MAD1L1: variants seen among roughly 807,000 people sequenced by gnomAD.
MAD1L1 encodes mitotic arrest deficient 1 like 1.
MAD1L1 carries 95 observed loss-of-function variants against 96.9 expected under a neutral mutation model. That is an observed-to-expected ratio of 0.98 (90% confidence interval 0.83 to 1.16). The LOEUF (loss-of-function observed/expected upper bound fraction) is 1.16, where lower values mean the gene tolerates loss of function less well. MAD1L1 is among the 50% of genes most tolerant of loss of function. MAD1L1 has a pLI of 0.00. For synonymous variants in MAD1L1, 473 were observed against 396.6 expected (o/e 1.19, Z -2.29); for missense variants, 1,007 against 954.4 (o/e 1.06, Z -0.73).
intron 10 of MAD1L1, among the ~76,000 whole-genome samples, chr7:2,163,573 C>T (rs1405105633): frequency 1.3e-5 from 2 of 152,150 alleles, no homozygotes; most frequent in South Asian, 4.1e-4. Context: ...CAGGGTTTCA[C>T]TATGTTGGCC....
At chr7:1,987,732 C>T (rs1433896211) in intron 14 of MAD1L1, among the ~76,000 whole-genome samples, 2 of 152,204 alleles carry the variant, frequency 1.3e-5, no homozygotes, top group Admixed American at 6.5e-5. Flanking sequence ...GCTCGGCAGC[C>T]GAGAGTGGAG....
chr7:2,196,036 T>C (rs1041044438), intron 10 of MAD1L1, among the ~76,000 whole-genome samples: 1 of 152,230 alleles, frequency 6.6e-6, no homozygotes, highest in African/African-American at 2.4e-5. Context: ...TGGCACCATG[T>C]GGCCAGCCAG....
At chr7:2,078,288 G>A (rs570705220) in intron 11 of MAD1L1, among the ~76,000 whole-genome samples, 3 of 152,288 alleles carry the variant, frequency 2.0e-5, no homozygotes, top group African/African-American at 7.2e-5. Flanking sequence ...CCCACTATCC[G>A]GAGGCTCTGA....
chr7:1,885,300 C>G (rs975368192), intron 18 of MAD1L1, among the ~76,000 whole-genome samples: 1 of 152,202 alleles, frequency 6.6e-6, no homozygotes, highest in Non-Finnish European at 1.5e-5. Context: ...TCTGCCCACA[C>G]CACAGCGTCC....
chr7:2,034,702 C>A (rs1783387965), intron 12 of MAD1L1, among the ~76,000 whole-genome samples: 1 of 152,208 alleles, frequency 6.6e-6, no homozygotes. Flanking sequence ...CACCTGCGCA[C>A]GTGGGTGTCC....
chr7:2,073,078 C>G (rs563753507), intron 11 of MAD1L1, among the ~76,000 whole-genome samples: 97 of 152,276 alleles, frequency 6.4e-4, no homozygotes, highest in African/African-American at 2.0e-3. Flanking sequence ...CCCTCAGGCC[C>G]ACATCCCACT....
intron 10 of MAD1L1, among the ~76,000 whole-genome samples, chr7:2,159,379 G>A (rs1789990663): frequency 1.3e-5 from 2 of 152,210 alleles, no homozygotes; most frequent in African/African-American, 4.8e-5. Context: ...CTAGATGCCT[G>A]CGTGGCCTGC....
Position 2,146,861 on chromosome 7 carries a change from C to T in MAD1L1, c.1073+2291G>A, listed in dbSNP as rs1054756310. ...TCCCTGACCCCGCCACGGCAGGCCG[C>T]GACGAACACGGTGTCCCGCCACGGA... On this transcript the variant is annotated intron_variant, in intron 11 of 18. Coordinates refer to ENST00000265854, the MANE Select transcript of MAD1L1 (RefSeq NM_001013836.2). The surrounding 1 kb of genome is among the most constrained non-coding windows in gnomAD (Gnocchi z 6.2). Among the ~76,000 whole-genome samples the T allele has an allele frequency of 3.3e-5, 5 of 152,160 alleles. No homozygotes were observed. The highest frequency in any genetic ancestry group is 7.2e-5 in the African/African-American group (3 of 41,426).
At chr7:1,838,592 C>T (rs112764806) in intron 18 of MAD1L1, 11,336 of 368,646 alleles carry the variant, frequency 0.031, 318 homozygotes, top group Admixed American at 0.083. Flanking sequence ...GACCACTCGC[C>T]GCTGAGCCCA....
chr7:2,144,424 G>T (rs1174068526), intron 11 of MAD1L1, among the ~76,000 whole-genome samples: 1 of 152,162 alleles, frequency 6.6e-6, no homozygotes. Context: ...CCAAAGCACG[G>T]TCTTATTTCC....
intron 10 of MAD1L1, among the ~76,000 whole-genome samples, chr7:2,154,136 C>G (rs756146932): frequency 6.6e-6 from 1 of 152,114 alleles, no homozygotes; most frequent in Non-Finnish European, 1.5e-5. Flanking sequence ...AGCCTGGCAA[C>G]AGAGCAAGAC....
At chr7:2,139,190 C>T (rs1453292226) in intron 11 of MAD1L1, among the ~76,000 whole-genome samples, 1 of 152,098 alleles carries the variant, frequency 6.6e-6, no homozygotes, top group African/African-American at 2.4e-5. Flanking sequence ...CACCCCACAC[C>T]ATGTCCACAG....
intron 11 of MAD1L1, among the ~76,000 whole-genome samples, chr7:2,137,854 G>C (rs1438969527): frequency 6.6e-6 from 1 of 152,206 alleles, no homozygotes; most frequent in Non-Finnish European, 1.5e-5. Flanking sequence ...GGAGGTGGAC[G>C]TATGGGGCAA....
intron 12 of MAD1L1, among the ~76,000 whole-genome samples, chr7:2,064,091 C>T (rs530298982): frequency 6.6e-5 from 10 of 152,258 alleles, no homozygotes; most frequent in South Asian, 2.1e-4. Flanking sequence ...CCTGGCCTCG[C>T]GGCTAACCCT....
chr7:2,042,991 C>G (rs1041288677), intron 12 of MAD1L1, among the ~76,000 whole-genome samples: 2 of 152,150 alleles, frequency 1.3e-5, no homozygotes, highest in Non-Finnish European at 2.9e-5. Flanking sequence ...CTGAAAGTCA[C>G]CTTCGCCAAG....
At chr7:2,081,509 C>T (rs1331583887) in intron 11 of MAD1L1, among the ~76,000 whole-genome samples, 1 of 152,200 alleles carries the variant, frequency 6.6e-6, no homozygotes, top group African/African-American at 2.4e-5. Context: ...TCAGGGACTG[C>T]CAAAAATCCC....
intron 11 of MAD1L1, among the ~76,000 whole-genome samples, chr7:2,096,853 C>T (rs1392065261): frequency 6.6e-6 from 1 of 152,146 alleles, no homozygotes; most frequent in Non-Finnish European, 1.5e-5. Context: ...CAGCAGAGGA[C>T]GCTGGCCCAG....
chr7:2,213,399 T>G, intron 9 of MAD1L1, 126 bp from the exon 10 acceptor site: 1 of 846,406 alleles, frequency 1.2e-6, no homozygotes, highest in Non-Finnish European at 2.0e-6. Context: ...ATCTCTGAGC[T>G]GGGCGCTACA....
intron 17 of MAD1L1, among the ~76,000 whole-genome samples, chr7:1,908,744 GTCT>G (rs1787829919): frequency 6.6e-6 from 1 of 152,084 alleles, no homozygotes; most frequent in African/African-American, 2.4e-5. Flanking sequence ...CTGACTTCTG[GTCT>G]TCTACAAGTG....
Sources: gnomAD v4.1 joint callset for allele counts (sites outside exome capture counted in the v4.1 genomes callset) on GRCh38, gnomAD v4.1.1 for gene constraint, Gnocchi (gnomAD v3.1) non-coding constraint, MANE v1.5 for transcripts, NCBI Gene and HGNC (gene_info 2026-07-23, HGNC 2026-07-21) for gene names.